BAHCC1: variants seen among roughly 807,000 people sequenced by gnomAD.
The protein encoded by BAHCC1 is BAH and coiled-coil domain-containing protein 1.
A neutral mutation model predicts 88.2 loss-of-function variants in BAHCC1; 43 were observed. The observed-to-expected ratio is 0.49, with a 90% CI of 0.38 to 0.63. BAHCC1 has a LOEUF of 0.63. Among genes scored for constraint, BAHCC1 ranks in the 20% least tolerant of loss-of-function variants. The pLI, the probability that BAHCC1 is intolerant of heterozygous loss-of-function variation, is 0.00. For missense variants in BAHCC1, 3,023 were observed against 1,654.8 expected, an observed-to-expected ratio of 1.83 and a Z score of -14.34; for synonymous variants, 1,510 against 745.5, an observed-to-expected ratio of 2.03 and a Z score of -16.71.
At chr17:81,398,258 G>A (rs145157102) in intron 1 of BAHCC1, among the ~76,000 whole-genome samples, 32 of 152,356 alleles carry the variant, frequency 2.1e-4, no homozygotes, top group Non-Finnish European at 2.6e-4. Flanking sequence ...GGTGGTGCAC[G>A]CAGCTTCTAT....
intron 11 of BAHCC1, among the ~76,000 whole-genome samples, chr17:81,449,011 A>T (rs940257479): frequency 6.6e-6 from 1 of 152,208 alleles, no homozygotes; most frequent in Admixed American, 6.5e-5. Flanking sequence ...CTCACCTGGC[A>T]GCATGAGGAG....
At chr17:81,423,567 G>A (rs1446220342) in intron 2 of BAHCC1, among the ~76,000 whole-genome samples, 4 of 152,290 alleles carry the variant, frequency 2.6e-5, no homozygotes, top group African/African-American at 9.6e-5. Flanking sequence ...CAGGCCCCCC[G>A]CCCCAGGTTC....
chr17:81,457,436 G>A lies in BAHCC1; in HGVS notation c.4885G>A (p.Glu1629Lys), dbSNP rs782255282. Residue 1629 changes from glutamate (E) to lysine (K), a missense_variant, in exon 17 of 28, where the codon GAG (glutamate) becomes AAG (lysine). Transcript: ENST00000675386. ...AGSGYDSEDC[E>K]GLLGTEAPPR... Reference sequence around the variant, plus strand: ...CAGTGGCTATGACAGTGAGGACTGCGAGGGTCTCCTGGGGACAGAGGCACC... The same window carrying A: ...CAGTGGCTATGACAGTGAGGACTGCAAGGGTCTCCTGGGGACAGAGGCACC... 22 of 772,218 alleles carry A rather than the reference G, an allele frequency of 2.8e-5. No individual in the cohort carries two copies. Among genetic ancestry groups the A allele is most frequent in the Middle Eastern group, 2.2e-4 (1 of 4,452 alleles). 47.8% of individuals were successfully genotyped at this position (772,218 alleles called of 1,614,324 possible).
intron 2 of BAHCC1, among the ~76,000 whole-genome samples, chr17:81,418,218 G>C (rs542376933): frequency 2.6e-5 from 4 of 152,210 alleles, no homozygotes; most frequent in Non-Finnish European, 2.9e-5. Context: ...GCGCCGCCCC[G>C]AATCTGGACA....
rs558810416 is a variant in BAHCC1, at chr17:81,454,240, G to A, written c.4446-1027G>A. On this transcript the variant is annotated intron_variant, in intron 14 of 27. Transcript: ENST00000675386. Reference sequence around the variant, plus strand: ...CACCCACACAAGAGGGGGAGCCCAGGATGTGGGGGGATCAGGTGGGACCTG... The same window carrying A: ...CACCCACACAAGAGGGGGAGCCCAGAATGTGGGGGGATCAGGTGGGACCTG... Among the ~76,000 whole-genome samples the A allele has an allele frequency of 6.2e-3, 950 of 152,362 alleles. 5 individuals are homozygous for A. The highest frequency in any genetic ancestry group is 0.027 in the Middle Eastern group (8 of 294).
At chr17:81,463,359 C>T (rs548783415) in intron 27 of BAHCC1, among the ~76,000 whole-genome samples, 1 of 152,352 alleles carries the variant, frequency 6.6e-6, no homozygotes, top group East Asian at 1.9e-4. Context: ...ATGACACGTC[C>T]ATCTTTCAGG....
intron 2 of BAHCC1, among the ~76,000 whole-genome samples, chr17:81,419,888 G>GCCGGCTCCGCGCCCGCCTCTC (rs2064094821): frequency 6.7e-6 from 1 of 149,816 alleles, no homozygotes; most frequent in Non-Finnish European, 1.5e-5. Context: ...TGCTCGCTCT[G>GCCGGCTCCGCGCCCGCCTCTC]CCGGCTCCGC....
rs1016498226 is a variant in BAHCC1, at chr17:81,411,920, G to T, written c.178+12003G>T. ...TACCATCGTATCCCTGCATCCGAGG[G>T]TAGCTTTGCCACAGGAAGCATTTGC... On this transcript the variant is annotated intron_variant, in intron 2 of 27. Coordinates refer to ENST00000675386, the MANE Select transcript of BAHCC1 (RefSeq NM_001377448.1). The surrounding 1 kb of genome is among the most constrained non-coding windows in gnomAD (Gnocchi z 6.2). Among the ~76,000 whole-genome samples the T allele has an allele frequency of 4.6e-5, 7 of 152,224 alleles. No individual in the cohort carries two copies. The highest frequency in any genetic ancestry group is 8.8e-5 in the Non-Finnish European group (6 of 68,032).
intron 2 of BAHCC1, among the ~76,000 whole-genome samples, chr17:81,417,915 C>G (rs951820503): frequency 2.4e-4 from 36 of 152,264 alleles, no homozygotes; most frequent in African/African-American, 8.7e-4. Flanking sequence ...TTCCCTGCAG[C>G]CCCTCCCTCG....
At position 81,462,692 on chromosome 17, in the gene BAHCC1, C is replaced by G. The variant is rs1555659830; in HGVS notation, c.7384-48C>G. On this transcript the variant is annotated intron_variant, in intron 26 of 27. Coordinates refer to ENST00000675386, the MANE Select transcript of BAHCC1 (RefSeq NM_001377448.1). ...CATGCCTCCTGGCCGCCACCTGTCCCCACAGCCCCCCGGCCTCTCAGAGCC... is the reference window on the plus strand; with the variant it reads ...CATGCCTCCTGGCCGCCACCTGTCCGCACAGCCCCCCGGCCTCTCAGAGCC... The G allele has an allele frequency of 4.2e-6, 3 of 715,578 alleles. No homozygotes were observed. The African/African-American group carries it at 5.2e-5, about 12-fold the overall frequency. The allele number at this position is 715,578 out of a possible 1,614,324, so 44.3% of individuals were successfully genotyped here.
intron 16 of BAHCC1, among the ~76,000 whole-genome samples, chr17:81,457,129 C>T (rs376493703): frequency 6.6e-5 from 10 of 151,966 alleles, no homozygotes; most frequent in African/African-American, 1.2e-4. Context: ...GGGGAAGGGA[C>T]TTTCTGGGGA....
rs12943867 is a variant in BAHCC1, at chr17:81,442,684, G to A, written c.1335G>A (p.Lys445=). 213,043 of 772,232 alleles carry A rather than the reference G, an allele frequency of 0.28. 33,091 individuals carry two copies. The highest frequency in any genetic ancestry group is 0.32 in the Non-Finnish European group (134,430 of 414,298). 47.8% of individuals were successfully genotyped at this position (772,232 alleles called of 1,614,324 possible). ...ATGGAGTCTCCTATGCCCACCTGAAGGCCGAGGGCAAGGGCGAGCGGCGGC... is the reference window on the plus strand; with the variant it reads ...ATGGAGTCTCCTATGCCCACCTGAAAGCCGAGGGCAAGGGCGAGCGGCGGC... The part of the protein sequence containing the change: ...APYGVSYAHL[K]AEGKGERRPG... Residue 445 remains lysine, a synonymous_variant, in exon 5 of 28, where the codon AAG becomes AAA. Transcript: ENST00000675386.
intron 2 of BAHCC1, chr17:81,421,901 G>A (rs782188570): frequency 4.7e-5 from 18 of 383,728 alleles, no homozygotes; most frequent in South Asian, 1.8e-4. Context: ...TGCAGCATGC[G>A]ACCCCATGTG....
At chr17:81,431,888 A>G (rs1426825921) in intron 3 of BAHCC1, among the ~76,000 whole-genome samples, 1 of 152,186 alleles carries the variant, frequency 6.6e-6, no homozygotes, top group African/African-American at 2.4e-5. Flanking sequence ...GACTTGGGCT[A>G]GAGGCTGCTC....
In BAHCC1 at chr17:81,464,334, T is replaced by G; in HGVS notation, c.*517T>G. ...TGTGTGGCGATTTTTGTCCTGGGGT[T>G]TCCTTTGGAAATGCACTGTTCTCAG... On this transcript the variant is annotated 3_prime_UTR_variant, in exon 28 of 28. Coordinates refer to ENST00000675386, the MANE Select transcript of BAHCC1 (RefSeq NM_001377448.1). 1 of 177,788 alleles carries G rather than the reference T, an allele frequency of 5.6e-6. No homozygotes were observed. 11.0% of individuals were successfully genotyped at this position (177,788 alleles called of 1,614,324 possible). A position where few individuals can be genotyped will look rare whatever the true frequency, so the allele number is the denominator to read the frequency against.
In BAHCC1 at chr17:81,442,695, A is replaced by G. The variant is rs782055507; in HGVS notation, c.1346A>G (p.Lys449Arg). 32 of 774,276 alleles carry G rather than the reference A, an allele frequency of 4.1e-5. No individual in the cohort carries two copies. In the South Asian group the frequency reaches 4.2e-4, roughly 10 times the overall value. The allele number at this position is 774,276 out of a possible 1,614,324, so 48.0% of individuals were successfully genotyped here. Residue 449 changes from lysine to arginine, a missense_variant, in exon 5 of 28, where the codon AAG (lysine) becomes AGG (arginine). Lys to Arg is a conservative substitution (Grantham distance 26, BLOSUM62 2). Coordinates refer to ENST00000675386, the MANE Select transcript of BAHCC1 (RefSeq NM_001377448.1). ...VSYAHLKAEGKGERRPGGFEA... is the reference protein window; with the variant it reads ...VSYAHLKAEGRGERRPGGFEA... The stretch of plus-strand genomic sequence containing the variant: ...TATGCCCACCTGAAGGCCGAGGGCA[A>G]GGGCGAGCGGCGGCCTGGGGGCTTT...
At chr17:81,400,670 G>A (rs2063804599) in intron 2 of BAHCC1, 1 of 153,498 alleles carries the variant, frequency 6.5e-6, no homozygotes, top group African/African-American at 2.4e-5. Flanking sequence ...GGAGAGCGAG[G>A]CGGATTTGCT....
chr17:81,457,395 C>T lies in BAHCC1; in HGVS notation c.4859-15C>T, dbSNP rs1555657561. On this transcript the variant is annotated splice_polypyrimidine_tract_variant and intron_variant, in intron 16 of 27. Coordinates refer to ENST00000675386, the MANE Select transcript of BAHCC1 (RefSeq NM_001377448.1). Reference sequence around the variant, plus strand: ...TTACCATCAAGTCATCAGGACCCCTCTGCCTCTCTCCCAGGCAGTGGCTAT... The same window carrying T: ...TTACCATCAAGTCATCAGGACCCCTTTGCCTCTCTCCCAGGCAGTGGCTAT... 6 of 760,650 alleles carry T rather than the reference C, an allele frequency of 7.9e-6. No homozygotes were observed. The highest frequency in any genetic ancestry group is 5.6e-5 in the South Asian group (4 of 71,456). The allele number at this position is 760,650 out of a possible 1,614,324, so 47.1% of individuals were successfully genotyped here.
chr17:81,446,784 C>T, intron 10 of BAHCC1: 1 of 663,100 alleles, frequency 1.5e-6, no homozygotes, highest in South Asian at 1.5e-5. Context: ...AATTCCTGGC[C>T]TCAAATGATC....
Sources: gnomAD v4.1 joint callset for allele counts (sites outside exome capture counted in the v4.1 genomes callset) on GRCh38, gnomAD v4.1.1 for gene constraint, Gnocchi (gnomAD v3.1) non-coding constraint, MANE v1.5 for transcripts, NCBI Gene and HGNC (gene_info 2026-07-23, HGNC 2026-07-21) for gene names.